USP47: variants seen among roughly 807,000 people sequenced by gnomAD.
USP47 encodes ubiquitin specific peptidase 47, also known as ubiquitin carboxyl-terminal hydrolase 47.
In USP47, 35 loss-of-function variants were observed where a neutral mutation model predicts 165.1. That is an observed-to-expected ratio of 0.21 (90% CI 0.16 to 0.28). The LOEUF (loss-of-function observed/expected upper bound fraction) is 0.28, where lower values mean the gene tolerates loss of function less well. Among genes scored for constraint, USP47 ranks in the 10% least tolerant of loss-of-function variants. The pLI, the probability that USP47 is intolerant of heterozygous loss-of-function variation, is 1.00. For synonymous variants in USP47, 531 were observed against 544.5 expected (o/e 0.98, Z 0.35); for missense variants, 1,277 against 1,607.4 (o/e 0.79, Z 3.52).
chr11:11,875,789 G>C (rs1850373904), intron 1 of USP47, among the ~76,000 whole-genome samples: 2 of 152,194 alleles, frequency 1.3e-5, no homozygotes, highest in East Asian at 3.9e-4. Context: ...TATTTGTAGA[G>C]ACAGGGTTTT....
chr11:11,952,955 A>G, intron 25 of USP47, 84 bp downstream of exon 25: 1 of 1,039,658 alleles, frequency 9.6e-7, no homozygotes, highest in Non-Finnish European at 1.2e-6. Flanking sequence ...TATAAACAAT[A>G]CATTCTTCCT....
chr11:11,863,531 A>G (rs1849499145), intron 1 of USP47, among the ~76,000 whole-genome samples: 1 of 152,202 alleles, frequency 6.6e-6, no homozygotes, highest in East Asian at 1.9e-4. Flanking sequence ...AACAACGTGA[A>G]TTTTAATACA....
At chr11:11,924,985 A>G (rs1013546843) in intron 11 of USP47, among the ~76,000 whole-genome samples, 1 of 151,178 alleles carries the variant, frequency 6.6e-6, no homozygotes, top group Admixed American at 6.6e-5. Context: ...CATTGAACCT[A>G]TAGATCACTT....
At chr11:11,911,072 A>G (rs993625336) in intron 8 of USP47, among the ~76,000 whole-genome samples, 4 of 152,200 alleles carry the variant, frequency 2.6e-5, no homozygotes, top group Non-Finnish European at 5.9e-5. Flanking sequence ...GAAAACTGCA[A>G]TAAGCAAAAT....
chr11:11,935,632 AT>A (rs1260206292), intron 16 of USP47, among the ~76,000 whole-genome samples: 5 of 151,950 alleles, frequency 3.3e-5, no homozygotes, highest in African/African-American at 1.2e-4. Context: ...TTAAATGAAC[AT>A]TGAATACTTC....
At chr11:11,865,460 C>T (rs79798880) in intron 1 of USP47, among the ~76,000 whole-genome samples, 24,368 of 151,728 alleles carry the variant, frequency 0.16, 2,415 homozygotes, top group Admixed American at 0.34. Flanking sequence ...GTTTTCATTT[C>T]GGTTTTATCT....
At chr11:11,933,205 T>G (rs962522906) in intron 15 of USP47, 89 bp downstream of exon 15, 10 of 1,001,688 alleles carry the variant, frequency 1.0e-5, no homozygotes, top group Non-Finnish European at 1.4e-5. Context: ...TTGGGTTGAT[T>G]CTGAGACAAT....
chr11:11,925,398 C>G (rs189207474), intron 11 of USP47, among the ~76,000 whole-genome samples: 199 of 152,240 alleles, frequency 1.3e-3, no homozygotes, highest in Middle Eastern at 3.4e-3. Flanking sequence ...CCACCGCACC[C>G]GGCCTCCTTA....
chr11:11,879,281 G>A (rs1265343275), intron 1 of USP47, among the ~76,000 whole-genome samples: 1 of 152,076 alleles, frequency 6.6e-6, no homozygotes, highest in Non-Finnish European at 1.5e-5. Flanking sequence ...GACTATGTGA[G>A]GTAAAGAGGG....
At chr11:11,846,403 T>A (rs1051641138) in intron 1 of USP47, among the ~76,000 whole-genome samples, 1 of 152,172 alleles carries the variant, frequency 6.6e-6, no homozygotes, top group African/African-American at 2.4e-5. Context: ...TATTTACTGA[T>A]GCTTTAAAAA....
chr11:11,851,850 A>G (rs1194229068), intron 1 of USP47, among the ~76,000 whole-genome samples: 1 of 152,054 alleles, frequency 6.6e-6, no homozygotes. Flanking sequence ...TCTCTCATGA[A>G]TAGATTGAGG....
At position 11,842,009 on chromosome 11, in the gene USP47, G is replaced by T; in HGVS notation, c.-177G>T. On this transcript the variant is annotated 5_prime_UTR_variant, in exon 1 of 28. Transcript: ENST00000527733. ...TGTGGTAGCGGCGGCGGCGGCGGCG[G>T]AGCCCTGGGTCGGTGTCTGCGCGCT... is the stretch of plus-strand genomic sequence containing the variant. 1 of 623,554 alleles carries T rather than the reference G, an allele frequency of 1.6e-6. No individual in the cohort carries two copies. The highest frequency in any genetic ancestry group is 2.9e-5 in the South Asian group (1 of 34,904). 38.6% of individuals were successfully genotyped at this position (623,554 alleles called of 1,614,324 possible).
intron 1 of USP47, among the ~76,000 whole-genome samples, chr11:11,857,727 C>G (rs1849133251): frequency 6.6e-6 from 1 of 152,234 alleles, no homozygotes; most frequent in Non-Finnish European, 1.5e-5. Flanking sequence ...AGACCCCTAC[C>G]TTTTCTGCGT....
At chr11:11,908,235 AGAGT>A (rs1202269699) in intron 8 of USP47, among the ~76,000 whole-genome samples, 1 of 152,228 alleles carries the variant, frequency 6.6e-6, no homozygotes, top group Non-Finnish European at 1.5e-5. Context: ...CAGATAATTA[AGAGT>A]GAGGTCTTTT....
intron 1 of USP47, among the ~76,000 whole-genome samples, chr11:11,878,926 A>C (rs554233003): frequency 6.6e-6 from 1 of 152,294 alleles, no homozygotes; most frequent in Admixed American, 6.5e-5. Context: ...AAGCAACAAA[A>C]GGTTGAAGCT....
At chr11:11,900,154 C>CTTTT (rs1042565841) in intron 5 of USP47, among the ~76,000 whole-genome samples, 78 of 99,066 alleles carry the variant, frequency 7.9e-4, no homozygotes, top group Middle Eastern at 8.9e-3. Context: ...ATTTTCTTCA[C>CTTTT]TTTTTTTTTT....
intron 3 of USP47, among the ~76,000 whole-genome samples, chr11:11,886,774 C>A (rs1851189990): frequency 6.6e-6 from 1 of 152,024 alleles, no homozygotes; most frequent in Non-Finnish European, 1.5e-5. Flanking sequence ...AGAAGATTAA[C>A]CCCAAGACAA....
chr11:11,891,657 C>T (rs1408388556), intron 3 of USP47, among the ~76,000 whole-genome samples: 1 of 152,116 alleles, frequency 6.6e-6, no homozygotes. Flanking sequence ...GGAAACTATC[C>T]ATCTCACCAA....
chr11:11,889,956 A>T (rs1851407461), intron 3 of USP47, among the ~76,000 whole-genome samples: 2 of 152,194 alleles, frequency 1.3e-5, no homozygotes, highest in African/African-American at 4.8e-5. Context: ...CGAGGAAAGG[A>T]TTCTCTATTT....
Sources: gnomAD v4.1 joint callset for allele counts (sites outside exome capture counted in the v4.1 genomes callset) on GRCh38, gnomAD v4.1.1 for gene constraint, MANE v1.5 for transcripts, NCBI Gene and HGNC (gene_info 2026-07-23, HGNC 2026-07-21) for gene names.